HNRNPF: variants seen among roughly 807,000 people sequenced by gnomAD.
The protein encoded by HNRNPF is HnRNP F protein.
Under a neutral mutation model 26.0 loss-of-function variants are expected in HNRNPF, and 2 were observed. The ratio of observed to expected loss-of-function variants is 0.08; its 90% CI spans 0.03 to 0.24. The LOEUF (loss-of-function observed/expected upper bound fraction) is 0.24. Ranked by LOEUF, HNRNPF falls within the 10% of genes least tolerant of loss-of-function variation. HNRNPF has a pLI of 1.00. For missense variants in HNRNPF, 299 were observed against 539.2 expected (o/e 0.55, Z 4.41); for synonymous variants, 234 against 211.5 (o/e 1.11, Z -0.92).
At chr10:43,400,446 A>G (rs755193877) in intron 1 of HNRNPF, among the ~76,000 whole-genome samples, 4 of 152,202 alleles carry the variant, frequency 2.6e-5, no homozygotes, top group Non-Finnish European at 5.9e-5. Flanking sequence ...CACAAGATGC[A>G]TCTTGGGGGC....
rs1343948195 is a variant in HNRNPF, at chr10:43,387,681, T to C, written c.204A>G (p.Lys68=). The change falls in exon 4 of 4, where the codon AAA becomes AAG. Residue 68 remains lysine, a synonymous_variant. Coordinates refer to ENST00000682386, the MANE Select transcript of HNRNPF (RefSeq NM_001098204.2). This position sits in a 1 kb window ranked among gnomAD's most constrained non-coding sequence, Gnocchi z 6.0. ...TTTCCCTGTCTTTTTTCAGGGCCATTTTTACATCATCTTCTGATCCAAGTT... is the reference window on the plus strand; with the variant it reads ...TTTCCCTGTCTTTTTTCAGGGCCATCTTTACATCATCTTCTGATCCAAGTT... ...FVELGSEDDV[K]MALKKDRESM... 2 of 1,613,994 alleles carry C rather than the reference T, an allele frequency of 1.2e-6. No individual in the cohort carries two copies. Among genetic ancestry groups the C allele is most frequent in the Non-Finnish European group, 1.7e-6 (2 of 1,180,024 alleles).
intron 1 of HNRNPF, among the ~76,000 whole-genome samples, chr10:43,401,847 A>G (rs1214951819): frequency 6.6e-6 from 1 of 152,148 alleles, no homozygotes; most frequent in Non-Finnish European, 1.5e-5. Flanking sequence ...TGGAAACATG[A>G]CACCTTAGTC....
intron 1 of HNRNPF, among the ~76,000 whole-genome samples, chr10:43,401,502 A>G (rs557574027): frequency 6.6e-6 from 1 of 152,200 alleles, no homozygotes; most frequent in Non-Finnish European, 1.5e-5. Context: ...TAAAACGTTA[A>G]TAAAAAGCAA....
At chr10:43,402,420 CTT>C (rs898152024) in intron 1 of HNRNPF, among the ~76,000 whole-genome samples, 1 of 152,310 alleles carries the variant, frequency 6.6e-6, no homozygotes, top group Non-Finnish European at 1.5e-5. Flanking sequence ...CCATCTGTGT[CTT>C]TTTCTCCTTC....
At position 43,391,331 on chromosome 10, in the gene HNRNPF, G is replaced by A. The variant is rs532509230; in HGVS notation, c.-53+3299C>T. ...AAATTACCTGGACGTGGTGGTGGGC[G>A]CCTGTAGTCCCAGCCACTACGGAGG... On this transcript the variant is annotated intron_variant, in intron 3 of 3. Transcript: ENST00000682386. 1.7e-4 allele frequency among the ~76,000 whole-genome samples: 26 copies of A among 151,298 alleles called. No homozygotes were observed. In the East Asian group the frequency reaches 4.5e-3, roughly 26 times the overall value.
intron 1 of HNRNPF, among the ~76,000 whole-genome samples, chr10:43,403,227 A>C (rs1318838891): frequency 6.6e-6 from 1 of 152,136 alleles, no homozygotes; most frequent in Non-Finnish European, 1.5e-5. Flanking sequence ...CACATTGGCC[A>C]GGCTGGTCTT....
intron 2 of HNRNPF, among the ~76,000 whole-genome samples, chr10:43,396,234 C>G (rs555217348): frequency 6.6e-6 from 1 of 152,360 alleles, no homozygotes; most frequent in East Asian, 1.9e-4. Flanking sequence ...CAGGGCCGTT[C>G]AAGCACCACC....
At chr10:43,390,577 T>C (rs1045763036) in intron 3 of HNRNPF, among the ~76,000 whole-genome samples, 1 of 152,158 alleles carries the variant, frequency 6.6e-6, no homozygotes, top group African/African-American at 2.4e-5. Flanking sequence ...CCACACAGCC[T>C]CTTTCTCTCC....
At chr10:43,407,345 G>A (rs924341299) in intron 1 of HNRNPF, among the ~76,000 whole-genome samples, 1 of 152,104 alleles carries the variant, frequency 6.6e-6, no homozygotes, top group African/African-American at 2.4e-5. Flanking sequence ...AACTAAAGAG[G>A]CGCGTCAGCT....
At chr10:43,391,075 T>G (rs946900069) in intron 3 of HNRNPF, among the ~76,000 whole-genome samples, 1 of 151,880 alleles carries the variant, frequency 6.6e-6, no homozygotes, top group African/African-American at 2.4e-5. Context: ...GAGGCCGAGG[T>G]GGGTGGGACC....
chr10:43,401,026 G>A (rs1289496380), intron 1 of HNRNPF, among the ~76,000 whole-genome samples: 1 of 151,848 alleles, frequency 6.6e-6, no homozygotes, highest in African/African-American at 2.4e-5. Flanking sequence ...AACTTGCAGG[G>A]AGCCCAGATC....
chr10:43,398,609 G>C (rs1030384346), intron 1 of HNRNPF, among the ~76,000 whole-genome samples: 1 of 151,872 alleles, frequency 6.6e-6, no homozygotes, highest in Non-Finnish European at 1.5e-5. Context: ...CAAAGTGCTG[G>C]GATTACAGGT....
intron 1 of HNRNPF, among the ~76,000 whole-genome samples, chr10:43,398,804 A>T (rs1838656788): frequency 6.6e-6 from 1 of 152,004 alleles, no homozygotes; most frequent in Admixed American, 6.6e-5. Flanking sequence ...CTGGCATGCA[A>T]CCACACCCGG....
At chr10:43,395,770 T>C (rs1838467355) in intron 2 of HNRNPF, among the ~76,000 whole-genome samples, 1 of 152,202 alleles carries the variant, frequency 6.6e-6, no homozygotes, top group Admixed American at 6.5e-5. Flanking sequence ...TATCCCTGCG[T>C]GATCCACAGA....
intron 1 of HNRNPF, 108 bp downstream of exon 1, chr10:43,409,023 C>G (rs1839021071): frequency 1.3e-5 from 2 of 152,360 alleles, no homozygotes; most frequent in Non-Finnish European, 2.9e-5. Context: ...TACTGCCCGG[C>G]TCAGCCCTTT....
intron 1 of HNRNPF, among the ~76,000 whole-genome samples, chr10:43,399,658 C>G (rs553737048): frequency 1.3e-5 from 2 of 152,170 alleles, no homozygotes; most frequent in Admixed American, 1.3e-4. Flanking sequence ...TACATGGAGA[C>G]AAGATGGGAA....
intron 1 of HNRNPF, among the ~76,000 whole-genome samples, chr10:43,405,671 A>AT (rs1203396304): frequency 1.3e-5 from 2 of 151,962 alleles, no homozygotes; most frequent in African/African-American, 4.8e-5. Context: ...AAAAAAAAAA[A>AT]TTTAATACAG....
At position 43,386,467 on chromosome 10, in the gene HNRNPF, A is replaced by G; in HGVS notation, c.*170T>C. On this transcript the variant is annotated 3_prime_UTR_variant, in exon 4 of 4. Coordinates refer to ENST00000682386, the MANE Select transcript of HNRNPF (RefSeq NM_001098204.2). The stretch of plus-strand genomic sequence containing the variant: ...TTTAGTTTACTCATTATCACATGCT[A>G]GAAGAAAATTTTGCATGAGAAAACA... The G allele has an allele frequency of 1.6e-6, 1 of 615,428 alleles. No individual in the cohort carries two copies. Among genetic ancestry groups the G allele is most frequent in the Non-Finnish European group, 2.8e-6 (1 of 362,150 alleles). 38.1% of individuals were successfully genotyped at this position (615,428 alleles called of 1,614,324 possible). A position where few individuals can be genotyped will look rare whatever the true frequency, so the allele number is the denominator to read the frequency against.
intron 1 of HNRNPF, among the ~76,000 whole-genome samples, chr10:43,400,097 G>A (rs1251881888): frequency 6.6e-6 from 1 of 152,150 alleles, no homozygotes; most frequent in Non-Finnish European, 1.5e-5. Flanking sequence ...TGTAACTCCA[G>A]CACTTTGGGA....
Sources: allele counts gnomAD v4.1 joint callset (sites outside exome capture counted in the v4.1 genomes callset), GRCh38; gene constraint gnomAD v4.1.1; non-coding constraint Gnocchi (gnomAD v3.1); transcripts MANE v1.5; gene names NCBI Gene and HGNC (gene_info 2026-07-23, HGNC 2026-07-21).